TLN2: variants seen among roughly 807,000 people sequenced by gnomAD.
The protein encoded by TLN2 is talin-2.
TLN2 carries 118 observed loss-of-function variants against 294.7 expected under a neutral mutation model. That is an observed-to-expected ratio of 0.40 (90% confidence interval 0.34 to 0.47). The LOEUF is 0.47. TLN2 is among the 20% of genes least tolerant of loss of function. The pLI, the probability that TLN2 is intolerant of heterozygous loss-of-function variation, is 0.84. For missense variants in TLN2, 3,083 were observed against 3,282.2 expected, an observed-to-expected ratio of 0.94 and a Z score of 1.48; for synonymous variants, 1,431 against 1,304.5, an observed-to-expected ratio of 1.10 and a Z score of -2.09.
At chr15:62,450,547 A>ATGTATGTGTG (rs1229690037) in intron 1 of TLN2, among the ~76,000 whole-genome samples, 1 of 136,062 alleles carries the variant, frequency 7.3e-6, no homozygotes, top group African/African-American at 3.0e-5. Context: ...GTATGTATGT[A>ATGTATGTGTG]TGTGTGTGTG....
intron 3 of TLN2, among the ~76,000 whole-genome samples, chr15:62,636,867 G>A (rs142600798): frequency 2.0e-5 from 3 of 152,284 alleles, no homozygotes; most frequent in South Asian, 2.1e-4. Flanking sequence ...ACTTGAGAAG[G>A]AGCTTGCGCA....
At chr15:62,761,649 T>C (rs768865301) in intron 37 of TLN2, 32 bp from the exon 38 acceptor site, 19 of 1,613,600 alleles carry the variant, frequency 1.2e-5, no homozygotes, top group African/African-American at 4.0e-5. Context: ...TGCTTCTCAA[T>C]TGGGCAGAAT....
At chr15:62,424,544 A>T (rs759334536) in intron 1 of TLN2, among the ~76,000 whole-genome samples, 2 of 152,208 alleles carry the variant, frequency 1.3e-5, no homozygotes, top group Admixed American at 6.5e-5. Context: ...CTTGCTGCTG[A>T]CTGCTCATTA....
In TLN2 at chr15:62,694,252, GA is replaced by G. The variant is rs2058160590; in HGVS notation, c.1216-63del. On this transcript the variant is annotated intron_variant, in intron 13 of 58. Coordinates refer to ENST00000636159, the MANE Select transcript of TLN2 (RefSeq NM_015059.3). ...TCAGCCTCCCAAAGTGCTGGGATTA[GA>G]GGCGTGAGCCACCGCGCGTGGCCTG... 3 of 1,482,144 alleles carry G rather than the reference GA, an allele frequency of 2.0e-6. 1 individual carries two copies. In the South Asian group the frequency reaches 3.4e-5, roughly 17 times the overall value. The allele number at this position is 1,482,144 out of a possible 1,614,324, so 91.8% of individuals were successfully genotyped here.
intron 1 of TLN2, among the ~76,000 whole-genome samples, chr15:62,536,218 T>C (rs961139425): frequency 1.3e-5 from 2 of 152,196 alleles, no homozygotes; most frequent in African/African-American, 4.8e-5. Context: ...GGGGATCTTT[T>C]ACAGCTACAA....
chr15:62,651,160 T>TAC (rs1596498108), intron 5 of TLN2, among the ~76,000 whole-genome samples: 1 of 152,250 alleles, frequency 6.6e-6, no homozygotes, highest in East Asian at 1.9e-4. Context: ...GATGTCTTTT[T>TAC]AACAGGCAAG....
chr15:62,522,181 C>T (rs188236683), intron 1 of TLN2, among the ~76,000 whole-genome samples: 3 of 152,216 alleles, frequency 2.0e-5, no homozygotes, highest in East Asian at 1.9e-4. Context: ...AAGGGGTTGA[C>T]GCTTAGCTCT....
chr15:62,477,900 GGA>G (rs1491188188), intron 1 of TLN2, among the ~76,000 whole-genome samples: 96 of 144,850 alleles, frequency 6.6e-4, no homozygotes, highest in African/African-American at 2.3e-3. Context: ...TGGGGGGGAT[GGA>G]GGGGGGGGTG....
At chr15:62,672,660 T>G (rs1342359415) in intron 9 of TLN2, among the ~76,000 whole-genome samples, 2 of 152,202 alleles carry the variant, frequency 1.3e-5, no homozygotes, top group Non-Finnish European at 2.9e-5. Context: ...CCACAAGAAG[T>G]CCCAGGAACA....
intron 1 of TLN2, among the ~76,000 whole-genome samples, chr15:62,578,721 C>T (rs1487730591): frequency 6.6e-6 from 1 of 152,030 alleles, no homozygotes; most frequent in Non-Finnish European, 1.5e-5. Flanking sequence ...GGGTAAAGTC[C>T]ACATTTATTG....
intron 11 of TLN2, among the ~76,000 whole-genome samples, chr15:62,679,058 TG>T (rs2056542181): frequency 6.6e-6 from 1 of 150,920 alleles, no homozygotes; most frequent in Non-Finnish European, 1.5e-5. Context: ...ACTTTTTACT[TG>T]GAAATTATTA....
chr15:62,603,134 C>G (rs898850127), intron 2 of TLN2, among the ~76,000 whole-genome samples: 2 of 152,088 alleles, frequency 1.3e-5, no homozygotes, highest in Non-Finnish European at 2.9e-5. Context: ...CTTCATGATC[C>G]ACCTGCCTCG....
intron 1 of TLN2, among the ~76,000 whole-genome samples, chr15:62,572,869 C>T (rs2044013184): frequency 6.6e-6 from 1 of 152,100 alleles, no homozygotes; most frequent in Admixed American, 6.5e-5. Flanking sequence ...TGTTCGCCAC[C>T]CCCTCCTGCT....
chr15:62,640,404 T>C (rs1003056968), intron 3 of TLN2: 2 of 454,768 alleles, frequency 4.4e-6, no homozygotes, highest in Admixed American at 2.3e-5. Flanking sequence ...CAGCTCTTAC[T>C]CTTGTAGACC....
chr15:62,699,838 C>T (rs909000535), intron 16 of TLN2, among the ~76,000 whole-genome samples: 2 of 152,198 alleles, frequency 1.3e-5, no homozygotes, highest in Non-Finnish European at 2.9e-5. Context: ...CCAAATAAAT[C>T]GTTGTTGCTG....
At chr15:62,802,263 TC>T (rs2065978545) in intron 50 of TLN2, among the ~76,000 whole-genome samples, 1 of 152,150 alleles carries the variant, frequency 6.6e-6, no homozygotes, top group South Asian at 2.1e-4. Context: ...GACCTCTAGT[TC>T]CATCCATGTT....
In TLN2 at chr15:62,717,628, A is replaced by G. The variant is rs1595771447; in HGVS notation, c.2816A>G (p.Gln939Arg). ...AAATQTIAAS[Q>R]NAAVSNKNPA... ...GCCACACAGACCATCGCCGCCTCCC[A>G]GAATGCAGCTGTTTCCAACAAGAAC... The change falls in exon 24 of 59, where the codon CAG (glutamine) becomes CGG (arginine). Residue 939 changes from glutamine (Q) to arginine (R), a missense_variant. Coordinates refer to ENST00000636159, the MANE Select transcript of TLN2 (RefSeq NM_015059.3). The G allele has an allele frequency of 6.2e-7, 1 of 1,605,690 alleles. No homozygotes were observed. Among genetic ancestry groups the G allele is most frequent in the Non-Finnish European group, 8.5e-7 (1 of 1,176,654 alleles).
At chr15:62,587,840 T>C (rs1035992275) in intron 1 of TLN2, among the ~76,000 whole-genome samples, 1 of 152,362 alleles carries the variant, frequency 6.6e-6, no homozygotes. Context: ...CTTTGTCATC[T>C]TTACCAATCT....
chr15:62,575,829 A>T (rs28376738), intron 1 of TLN2, among the ~76,000 whole-genome samples: 4,309 of 152,324 alleles, frequency 0.028, 190 homozygotes, highest in African/African-American at 0.097. Flanking sequence ...GTGAGTGGCT[A>T]TTCTCCAGGT....
Sources: gnomAD v4.1 joint callset for allele counts (sites outside exome capture counted in the v4.1 genomes callset) on GRCh38, gnomAD v4.1.1 for gene constraint, MANE v1.5 for transcripts, NCBI Gene and HGNC (gene_info 2026-07-23, HGNC 2026-07-21) for gene names.